The following GAB2 variants were observed in gnomAD, a reference collection of about 807,000 sequenced individuals.
The protein encoded by GAB2 is GRB2 associated binding protein 2.
GAB2 carries 26 observed loss-of-function variants against 65.5 expected under a neutral mutation model. That is an observed-to-expected ratio of 0.40 (90% CI 0.29 to 0.55). The LOEUF is 0.55. Among genes scored for constraint, GAB2 ranks in the 20% least tolerant of loss-of-function variants. The pLI, the probability that GAB2 is intolerant of heterozygous loss-of-function variation, is 0.53. For missense variants in GAB2, 884 were observed against 875.8 expected (o/e 1.01, Z -0.12); for synonymous variants, 321 against 329.6 (o/e 0.97, Z 0.28).
intron 1 of GAB2, among the ~76,000 whole-genome samples, chr11:78,353,490 T>C (rs1232943903): frequency 6.6e-6 from 1 of 152,160 alleles, no homozygotes; most frequent in Non-Finnish European, 1.5e-5. Flanking sequence ...CAACAATGTA[T>C]ATTTTACAGA....
chr11:78,376,957 T>G (rs113058038), intron 1 of GAB2, among the ~76,000 whole-genome samples: 6,660 of 152,140 alleles, frequency 0.044, 439 homozygotes, highest in African/African-American at 0.14. Flanking sequence ...GTAAGAGCTG[T>G]TCATTTAAAA....
chr11:78,256,670 C>G (rs941431915), intron 2 of GAB2, among the ~76,000 whole-genome samples: 1 of 152,222 alleles, frequency 6.6e-6, no homozygotes, highest in African/African-American at 2.4e-5. Context: ...AGGATAATCT[C>G]TAGCCTACCT....
chr11:78,353,909 T>C (rs543238592), intron 1 of GAB2, among the ~76,000 whole-genome samples: 1 of 152,236 alleles, frequency 6.6e-6, no homozygotes, highest in Admixed American at 6.5e-5. Flanking sequence ...CAAACTTCAG[T>C]ATGCATCAGA....
intron 1 of GAB2, among the ~76,000 whole-genome samples, chr11:78,405,062 A>G (rs1027733894): frequency 3.3e-5 from 5 of 151,874 alleles, no homozygotes; most frequent in African/African-American, 1.2e-4. Context: ...GCAGAATCCT[A>G]ATCCACAGAA....
At chr11:78,350,784 A>G (rs1300613545) in intron 1 of GAB2, among the ~76,000 whole-genome samples, 1 of 152,212 alleles carries the variant, frequency 6.6e-6, no homozygotes, top group East Asian at 1.9e-4. Context: ...ACACGTTAAG[A>G]ATTCACCACA....
At chr11:78,234,476 T>G (rs1328919355) in intron 3 of GAB2, among the ~76,000 whole-genome samples, 1 of 151,918 alleles carries the variant, frequency 6.6e-6, no homozygotes, top group African/African-American at 2.4e-5. Context: ...CTGTTCTTTT[T>G]TTATTATTCC....
At chr11:78,341,940 A>C (rs959020080) in intron 1 of GAB2, 8 of 953,802 alleles carry the variant, frequency 8.4e-6, no homozygotes, top group East Asian at 1.2e-4. Flanking sequence ...CAGAATCTCC[A>C]CCAGCCTGTG....
intron 1 of GAB2, among the ~76,000 whole-genome samples, chr11:78,291,569 T>TTTC (rs1439157729): frequency 1.8e-5 from 2 of 114,266 alleles, no homozygotes; most frequent in South Asian, 3.2e-4. Context: ...TTCTTTTTTT[T>TTTC]TTTTTTTTTT....
intron 2 of GAB2, among the ~76,000 whole-genome samples, chr11:78,261,077 A>ATATG (rs1554980010): frequency 1.1e-4 from 16 of 151,712 alleles, no homozygotes; most frequent in South Asian, 4.2e-4. Flanking sequence ...GTATATATAT[A>ATATG]TGTGTGTGTG....
At chr11:78,363,760 A>C (rs543046513) in intron 1 of GAB2, among the ~76,000 whole-genome samples, 2 of 151,790 alleles carry the variant, frequency 1.3e-5, no homozygotes, top group South Asian at 4.2e-4. Context: ...TAATTTTTGT[A>C]TTTTTTGTAG....
At chr11:78,266,431 C>G (rs952352491) in intron 2 of GAB2, among the ~76,000 whole-genome samples, 20 of 152,120 alleles carry the variant, frequency 1.3e-4, no homozygotes, top group African/African-American at 4.8e-4. Flanking sequence ...AATAGCAGCC[C>G]AGGCACAAAA....
intron 2 of GAB2, among the ~76,000 whole-genome samples, chr11:78,274,738 G>A (rs918832838): frequency 2.0e-5 from 3 of 152,174 alleles, no homozygotes; most frequent in African/African-American, 7.2e-5. Flanking sequence ...GGCAATATGG[G>A]TTAGTAAGCA....
intron 2 of GAB2, among the ~76,000 whole-genome samples, chr11:78,274,409 T>C (rs1367303706): frequency 6.6e-6 from 1 of 152,178 alleles, no homozygotes; most frequent in Non-Finnish European, 1.5e-5. Flanking sequence ...ATTGATCAAC[T>C]CCAGGGGATA....
chr11:78,326,404 T>C (rs1855823183), intron 1 of GAB2, among the ~76,000 whole-genome samples: 1 of 152,212 alleles, frequency 6.6e-6, no homozygotes, highest in Admixed American at 6.5e-5. Flanking sequence ...TTGGATTTCT[T>C]TATAAAAGGA....
At chr11:78,322,353 C>T (rs929314354) in intron 1 of GAB2, among the ~76,000 whole-genome samples, 1 of 132,132 alleles carries the variant, frequency 7.6e-6, no homozygotes, top group Non-Finnish European at 1.6e-5. Context: ...TATAAAAATC[C>T]TAGAATAAAA....
At chr11:78,403,406 A>G (rs1277578983) in intron 1 of GAB2, among the ~76,000 whole-genome samples, 1 of 152,256 alleles carries the variant, frequency 6.6e-6, no homozygotes, top group Non-Finnish European at 1.5e-5. Flanking sequence ...CAAATGGACT[A>G]TAGTAAACAG....
chr11:78,386,687 C>T (rs1856772444), intron 1 of GAB2, among the ~76,000 whole-genome samples: 1 of 152,196 alleles, frequency 6.6e-6, no homozygotes, highest in Non-Finnish European at 1.5e-5. Flanking sequence ...GGCCCTGTGA[C>T]CTCTTAGCCT....
intron 1 of GAB2, among the ~76,000 whole-genome samples, chr11:78,392,597 G>A (rs954049277): frequency 4.6e-5 from 7 of 152,136 alleles, no homozygotes; most frequent in African/African-American, 1.7e-4. Flanking sequence ...AGGAGGCAGG[G>A]GAGAGAGAAG....
intron 1 of GAB2, among the ~76,000 whole-genome samples, chr11:78,417,187 G>A (rs1394126025): frequency 6.6e-6 from 1 of 152,150 alleles, no homozygotes; most frequent in African/African-American, 2.4e-5. Context: ...AAGGGAAGGA[G>A]AGGGCGTGAG....
Sources: gnomAD v4.1 joint callset for allele counts (sites outside exome capture counted in the v4.1 genomes callset) on GRCh38, gnomAD v4.1.1 for gene constraint, MANE v1.5 for transcripts, NCBI Gene and HGNC (gene_info 2026-07-23, HGNC 2026-07-21) for gene names.